Variants in UBR3 observed in about 807,000 individuals in gnomAD.
UBR3 encodes the protein E3 ubiquitin-protein ligase UBR3.
Under a neutral mutation model 243.2 loss-of-function variants are expected in UBR3, and 85 were observed. The observed-to-expected ratio is 0.35, with a 90% CI of 0.29 to 0.42. UBR3 has a LOEUF of 0.42. Ranked by LOEUF, UBR3 falls within the 10% of genes least tolerant of loss-of-function variation. The probability of loss-of-function intolerance (pLI) is 1.00; values close to 1 mark genes in which losing one functional copy is unlikely to be tolerated. For missense variants in UBR3, 1,686 were observed against 2,300.8 expected (o/e 0.73, Z 5.47); for synonymous variants, 748 against 799.8 (o/e 0.94, Z 1.09).
intron 1 of UBR3, among the ~76,000 whole-genome samples, chr2:169,832,922 A>C (rs904186925): frequency 6.6e-6 from 1 of 151,806 alleles, no homozygotes; most frequent in Non-Finnish European, 1.5e-5. Flanking sequence ...AACAAGAGTG[A>C]AACTCCATCT....
intron 30 of UBR3, among the ~76,000 whole-genome samples, chr2:170,020,678 A>G (rs539714583): frequency 2.9e-4 from 44 of 152,344 alleles, no homozygotes; most frequent in African/African-American, 1.0e-3. Context: ...GTTATACTCT[A>G]GGAACTTTTA....
At chr2:169,947,738 A>C in intron 22 of UBR3, 23 bp downstream of exon 22, 1 of 1,432,418 alleles carries the variant, frequency 7.0e-7, no homozygotes, top group Non-Finnish European at 9.2e-7. Context: ...GTAAGAAAGA[A>C]AATAAGAAAA....
chr2:169,846,732 C>A (rs941436522), intron 1 of UBR3, among the ~76,000 whole-genome samples: 2 of 149,850 alleles, frequency 1.3e-5, no homozygotes. Context: ...AAAAAATCTT[C>A]TTTTAAAGTA....
chr2:170,023,800 A>G (rs1398673228), intron 30 of UBR3, among the ~76,000 whole-genome samples: 1 of 151,310 alleles, frequency 6.6e-6, no homozygotes, highest in African/African-American at 2.4e-5. Context: ...ACCGTCTTGA[A>G]CTCCTGAACT....
At chr2:169,956,159 C>T (rs2087277851) in intron 23 of UBR3, among the ~76,000 whole-genome samples, 2 of 151,782 alleles carry the variant, frequency 1.3e-5, no homozygotes, top group Non-Finnish European at 2.9e-5. Flanking sequence ...TCCAGAGTAA[C>T]TCTGTAACTC....
rs531175006 is a variant in UBR3, at chr2:170,061,106, G to A, written c.4813G>A (p.Glu1605Lys). ...TACATGTGATGCAGAAAAGTCTTACGAAGTATTACTGAGCTTTGTGATAAG... is the reference window on the plus strand; with the variant it reads ...TACATGTGATGCAGAAAAGTCTTACAAAGTATTACTGAGCTTTGTGATAAG... ...KSTCDAEKSY[E>K]VLLSFVISEL... The change falls in exon 34 of 39, where the codon GAA (glutamate) becomes AAA (lysine). Residue 1605 changes from glutamate (E) to lysine (K), a missense_variant. Glu to Lys is a moderately conservative substitution (Grantham distance 56, BLOSUM62 1). This residue lies in a region of UBR3 where 371 missense variants were observed against 422.5 expected (regional missense o/e 0.88). Coordinates refer to ENST00000272793, the MANE Select transcript of UBR3 (RefSeq NM_172070.4). 2.1e-5 allele frequency: 34 copies of A among 1,582,152 alleles called. No individual in the cohort carries two copies. In the East Asian group the frequency reaches 2.5e-4, roughly 12 times the overall value.
At chr2:169,927,084 A>G in intron 16 of UBR3, 113 bp downstream of exon 16, 1 of 1,292,928 alleles carries the variant, frequency 7.7e-7, no homozygotes, top group Non-Finnish European at 1.1e-6. Flanking sequence ...ATAAATGTAA[A>G]CAATGTTTCA....
At chr2:169,900,997 A>G (rs2084800622) in intron 8 of UBR3, among the ~76,000 whole-genome samples, 2 of 152,170 alleles carry the variant, frequency 1.3e-5, no homozygotes, top group Non-Finnish European at 2.9e-5. Context: ...CCCTTTTTGT[A>G]AACTACATGT....
chr2:169,925,898 A>G (rs1323666698), intron 14 of UBR3, among the ~76,000 whole-genome samples, 151 bp downstream of exon 14: 1 of 152,248 alleles, frequency 6.6e-6, no homozygotes, highest in East Asian at 1.9e-4. Context: ...GAGAAGAGGC[A>G]TACCACCCAA....
At chr2:170,067,253 C>A (rs2091593454) in intron 35 of UBR3, among the ~76,000 whole-genome samples, 1 of 152,090 alleles carries the variant, frequency 6.6e-6, no homozygotes, top group African/African-American at 2.4e-5. Flanking sequence ...TTGGCAGTTC[C>A]CATCTTCCCA....
intron 32 of UBR3, 36 bp from the exon 33 acceptor site, chr2:170,055,424 G>C (rs2091311564): frequency 1.2e-6 from 2 of 1,602,526 alleles, no homozygotes; most frequent in Non-Finnish European, 1.7e-6. Flanking sequence ...AAAATATCTA[G>C]ATTCCAAAGA....
chr2:169,964,585 C>T (rs917661470), intron 24 of UBR3: 7 of 390,548 alleles, frequency 1.8e-5, no homozygotes, highest in East Asian at 7.4e-5. Flanking sequence ...AGGCAGATGA[C>T]GTTTGATTGC....
At chr2:169,835,288 AAG>A (rs1195116012) in intron 1 of UBR3, among the ~76,000 whole-genome samples, 2 of 152,012 alleles carry the variant, frequency 1.3e-5, no homozygotes, top group Admixed American at 6.6e-5. Context: ...GGCTGGGAGT[AAG>A]AGGCTGCAGT....
At chr2:170,008,627 G>A (rs2089992912) in intron 28 of UBR3, among the ~76,000 whole-genome samples, 177 bp from the exon 29 acceptor site, 1 of 152,044 alleles carries the variant, frequency 6.6e-6, no homozygotes, top group African/African-American at 2.4e-5. Context: ...ACTGTTTAGA[G>A]AGTATTTTTT....
chr2:170,072,479 G>GA (rs2091720835), intron 35 of UBR3, among the ~76,000 whole-genome samples: 2 of 151,972 alleles, frequency 1.3e-5, no homozygotes, highest in East Asian at 3.9e-4. Flanking sequence ...GCTAAATGAC[G>GA]AGTTAATGGG....
intron 11 of UBR3, among the ~76,000 whole-genome samples, chr2:169,914,994 A>G (rs1357084264): frequency 2.0e-5 from 3 of 152,104 alleles, no homozygotes; most frequent in Non-Finnish European, 4.4e-5. Flanking sequence ...TTGATGCCTC[A>G]CTACCCCCAT....
chr2:169,878,310 G>A (rs11890973), intron 4 of UBR3, among the ~76,000 whole-genome samples: 63,781 of 150,664 alleles, frequency 0.42, 15,089 homozygotes, highest in Non-Finnish European at 0.54. Flanking sequence ...GCAGTGAGGT[G>A]AGATTGCGCC....
At chr2:169,894,227 G>A (rs965332572) in intron 6 of UBR3, among the ~76,000 whole-genome samples, 1 of 148,768 alleles carries the variant, frequency 6.7e-6, no homozygotes, top group African/African-American at 2.5e-5. Context: ...GGAGGGTAAG[G>A]TGGGAGGATA....
chr2:169,859,548 C>G (rs2083013572), intron 1 of UBR3, among the ~76,000 whole-genome samples: 1 of 151,950 alleles, frequency 6.6e-6, no homozygotes, highest in African/African-American at 2.4e-5. Flanking sequence ...TGTTATTATC[C>G]CACAGCTCAC....
Sources: gnomAD v4.1 joint callset for allele counts (sites outside exome capture counted in the v4.1 genomes callset) on GRCh38, gnomAD v4.1.1 for gene constraint, gnomAD v4.1.1 regional missense constraint, MANE v1.5 for transcripts, NCBI Gene and HGNC (gene_info 2026-07-23, HGNC 2026-07-21) for gene names.